The following TAF4B variants were observed in gnomAD, a reference collection of about 807,000 sequenced individuals.
TAF4B encodes TATA-box binding protein associated factor 4b.
TAF4B carries 38 observed loss-of-function variants against 86.4 expected under a neutral mutation model. The observed-to-expected ratio is 0.44, with a 90% CI of 0.34 to 0.58. The LOEUF (loss-of-function observed/expected upper bound fraction) is 0.58, where lower values mean the gene tolerates loss of function less well. Among genes scored for constraint, TAF4B ranks in the 20% least tolerant of loss-of-function variants. The pLI, the probability that TAF4B is intolerant of heterozygous loss-of-function variation, is 0.02. For synonymous variants in TAF4B, 388 were observed against 391.2 expected (o/e 0.99, Z 0.10); for missense variants, 988 against 1,027.6 (o/e 0.96, Z 0.53).
intron 14 of TAF4B, among the ~76,000 whole-genome samples, chr18:26,372,974 A>AC (rs1435899237): frequency 7.9e-5 from 12 of 151,482 alleles, no homozygotes; most frequent in Non-Finnish European, 1.2e-4. Flanking sequence ...AAAAAAAAAA[A>AC]AGTAACAACA....
In TAF4B at chr18:26,285,222, G is replaced by GTTTTTTTTTT. The variant is rs776976703; in HGVS notation, c.973-655_973-646dup. Among the ~76,000 whole-genome samples the GTTTTTTTTTT allele has an allele frequency of 1.4e-3, 63 of 45,678 alleles. 3 individuals are homozygous for GTTTTTTTTTT. The highest frequency in any genetic ancestry group is 3.6e-3 in the African/African-American group (57 of 15,972). The allele number at this position is 45,678 out of a possible 152,430, so 30.0% of individuals were successfully genotyped here. On this transcript the variant is annotated intron_variant, in intron 6 of 14. Transcript: ENST00000269142. ...ATTTCTTCCTTTCCTTTTTTTTTTT[G>GTTTTTTTTTT]TTTTTTTTTTTTTTGGAGATGGGGT...
intron 1 of TAF4B, among the ~76,000 whole-genome samples, chr18:26,260,624 C>G (rs796614249): frequency 6.6e-6 from 1 of 152,152 alleles, no homozygotes; most frequent in Non-Finnish European, 1.5e-5. Flanking sequence ...GGGCTCTGTT[C>G]TGTTCCATTG....
At chr18:26,387,914 G>C (rs1241228095) in intron 14 of TAF4B, among the ~76,000 whole-genome samples, 1 of 152,298 alleles carries the variant, frequency 6.6e-6, no homozygotes, top group African/African-American at 2.4e-5. Flanking sequence ...CTGTGAACAT[G>C]CATGGAATTA....
chr18:26,311,385 A>G (rs2056852161), intron 9 of TAF4B, among the ~76,000 whole-genome samples: 1 of 152,186 alleles, frequency 6.6e-6, no homozygotes. Context: ...CTGTAATCCC[A>G]GCATTTTGGG....
intron 1 of TAF4B, among the ~76,000 whole-genome samples, chr18:26,234,153 G>A (rs1339168361): frequency 6.6e-6 from 1 of 152,230 alleles, no homozygotes; most frequent in Admixed American, 6.5e-5. Context: ...GAATACTGGG[G>A]GTTAATCTCT....
At chr18:26,256,035 T>A in intron 1 of TAF4B, 1 of 1,265,954 alleles carries the variant, frequency 7.9e-7, no homozygotes. Context: ...TGCAGTTTAC[T>A]GATATGGTTG....
intron 13 of TAF4B, among the ~76,000 whole-genome samples, chr18:26,342,846 T>A (rs1171531049): frequency 6.6e-6 from 1 of 152,200 alleles, no homozygotes; most frequent in Non-Finnish European, 1.5e-5. Context: ...TTTGGTCTCT[T>A]TGGAGCAAGG....
At chr18:26,349,826 G>A (rs990106035) in intron 13 of TAF4B, among the ~76,000 whole-genome samples, 7 of 152,166 alleles carry the variant, frequency 4.6e-5, no homozygotes, top group Admixed American at 3.3e-4. Flanking sequence ...TGTAGTCACC[G>A]AAATAGCATG....
At chr18:26,227,298 G>T (rs750780311) in intron 1 of TAF4B, 22 bp downstream of exon 1, 4 of 1,599,180 alleles carry the variant, frequency 2.5e-6, no homozygotes, top group Admixed American at 3.5e-5. Context: ...ACCCTTTCCA[G>T]CCTTGTCTGT....
At chr18:26,267,688 T>G in intron 3 of TAF4B, 65 bp downstream of exon 3, 1 of 1,118,396 alleles carries the variant, frequency 8.9e-7, no homozygotes, top group Non-Finnish European at 1.4e-6. Flanking sequence ...CATTTAGCTA[T>G]CTCCTGTTAG....
rs1437542885 is a variant in TAF4B at position 26,275,013 on chromosome 18, A to C, written c.842A>C (p.Glu281Ala). 6.2e-7 allele frequency: 1 copy of C among 1,611,452 alleles called. No individual in the cohort carries two copies. The highest frequency in any genetic ancestry group is 8.5e-7 in the Non-Finnish European group (1 of 1,179,690). The change falls in exon 5 of 15, where the codon GAA (glutamate) becomes GCA (alanine). Residue 281 changes from glutamate (E) to alanine (A), a missense_variant. Physicochemically the swap from Glu to Ala is moderately radical, Grantham distance 107. Coordinates refer to ENST00000269142, the MANE Select transcript of TAF4B (RefSeq NM_005640.3). ...GCATGTAGTGGATCACAGTCCCCAG[A>C]AATGGGGCAAAATGTGAAGAAGCTG... ...KLACSGSQSPEMGQNVKKLVE... is the reference protein window; with the variant it reads ...KLACSGSQSPAMGQNVKKLVE...
intron 12 of TAF4B, among the ~76,000 whole-genome samples, chr18:26,332,865 C>T (rs939937334): frequency 6.6e-6 from 1 of 152,066 alleles, no homozygotes; most frequent in Non-Finnish European, 1.5e-5. Flanking sequence ...AATTAAAGCC[C>T]CAATTCCTTA....
chr18:26,293,296 CAT>C (rs2056618599), intron 8 of TAF4B, 128 bp from the exon 9 acceptor site: 2 of 570,574 alleles, frequency 3.5e-6, no homozygotes, highest in African/African-American at 4.0e-5. Flanking sequence ...TGAATTTAAA[CAT>C]AGTTCTAGGG....
At chr18:26,229,782 C>T (rs116315488) in intron 1 of TAF4B, among the ~76,000 whole-genome samples, 2,168 of 152,206 alleles carry the variant, frequency 0.014, 37 homozygotes, top group African/African-American at 0.05. Context: ...GGATTACAGG[C>T]GTTAGCCACT....
intron 1 of TAF4B, among the ~76,000 whole-genome samples, chr18:26,229,992 C>G (rs2055641427): frequency 6.6e-6 from 1 of 151,808 alleles, no homozygotes; most frequent in African/African-American, 2.4e-5. Flanking sequence ...CACACACACA[C>G]ACATATACAT....
chr18:26,252,537 T>C (rs189871808), intron 1 of TAF4B, among the ~76,000 whole-genome samples: 1 of 152,246 alleles, frequency 6.6e-6, no homozygotes, highest in Non-Finnish European at 1.5e-5. Context: ...TTAAATCGTG[T>C]GCCATTCTGA....
chr18:26,251,500 T>C (rs2056005808), intron 1 of TAF4B, among the ~76,000 whole-genome samples: 1 of 152,148 alleles, frequency 6.6e-6, no homozygotes, highest in African/African-American at 2.4e-5. Context: ...TTCACTGGGC[T>C]GAAGGGTAGA....
chr18:26,254,591 ATT>A (rs2056054593), intron 1 of TAF4B, among the ~76,000 whole-genome samples: 1 of 152,152 alleles, frequency 6.6e-6, no homozygotes, highest in Admixed American at 6.5e-5. Context: ...CCCAAGAAGC[ATT>A]AACCTTTGTT....
chr18:26,335,708 C>T (rs574547975), intron 13 of TAF4B, among the ~76,000 whole-genome samples: 3 of 152,240 alleles, frequency 2.0e-5, no homozygotes, highest in South Asian at 2.1e-4. Context: ...GAATGGAGCC[C>T]TTGTTTCACA....
Sources: gnomAD v4.1 joint callset for allele counts (sites outside exome capture counted in the v4.1 genomes callset) on GRCh38, gnomAD v4.1.1 for gene constraint, MANE v1.5 for transcripts, NCBI Gene and HGNC (gene_info 2026-07-23, HGNC 2026-07-21) for gene names.